PDE11A: variants seen among roughly 807,000 people sequenced by gnomAD.
The protein encoded by PDE11A is phosphodiesterase 11A, also known as dual 3',5'-cyclic-AMP and -GMP phosphodiesterase 11A.
Under a neutral mutation model 100.5 loss-of-function variants are expected in PDE11A, and 100 were observed. The observed-to-expected ratio is 1.00, with a 90% CI of 0.85 to 1.18. The LOEUF (loss-of-function observed/expected upper bound fraction) is 1.18, where lower values mean the gene tolerates loss of function less well. Among genes scored for constraint, PDE11A ranks in the 50% most tolerant of loss-of-function variants. PDE11A has a pLI of 0.00. For synonymous variants in PDE11A, 381 were observed against 420.8 expected (o/e 0.91, Z 1.16); for missense variants, 1,141 against 1,152.6 (o/e 0.99, Z 0.15).
chr2:177,850,604 C>T (rs2083683969), intron 5 of PDE11A, among the ~76,000 whole-genome samples: 2 of 152,276 alleles, frequency 1.3e-5, no homozygotes, highest in Middle Eastern at 3.4e-3. Flanking sequence ...AGGCAACCTA[C>T]AGAATGGGAG....
chr2:177,983,032 C>T (rs1008879654), intron 2 of PDE11A, among the ~76,000 whole-genome samples: 5 of 150,646 alleles, frequency 3.3e-5, no homozygotes, highest in South Asian at 2.2e-4. Flanking sequence ...CCTGAGATCG[C>T]GCCATTACAC....
At chr2:177,672,483 C>G (rs2080698131) in intron 17 of PDE11A, among the ~76,000 whole-genome samples, 3 of 152,086 alleles carry the variant, frequency 2.0e-5, no homozygotes, top group Non-Finnish European at 4.4e-5. Context: ...AAGAGAAAGA[C>G]AGAAAAAGAC....
chr2:177,697,702 GA>G (rs2081134432), intron 14 of PDE11A, among the ~76,000 whole-genome samples: 1 of 152,132 alleles, frequency 6.6e-6, no homozygotes, highest in African/African-American at 2.4e-5. Flanking sequence ...ATCTTACTAT[GA>G]ATATGTTGTG....
At chr2:177,637,920 C>T (rs13016598) in intron 19 of PDE11A, among the ~76,000 whole-genome samples, 10 of 33,526 alleles carry the variant, frequency 3.0e-4, no homozygotes, top group Non-Finnish European at 1.9e-3. Context: ...CATATATACA[C>T]ATACATATAT....
chr2:177,630,223 C>T (rs1009685102), intron 19 of PDE11A, among the ~76,000 whole-genome samples: 1 of 152,124 alleles, frequency 6.6e-6, no homozygotes, highest in African/African-American at 2.4e-5. Flanking sequence ...GGCAGATGGA[C>T]GACCAGGCTG....
At chr2:177,858,309 C>A (rs2083879758) in intron 5 of PDE11A, among the ~76,000 whole-genome samples, 1 of 151,778 alleles carries the variant, frequency 6.6e-6, no homozygotes, top group Non-Finnish European at 1.5e-5. Context: ...AGTGAACAGG[C>A]AACCTACAGA....
At chr2:178,064,653 A>T (rs937444865) in intron 1 of PDE11A, among the ~76,000 whole-genome samples, 1 of 140,200 alleles carries the variant, frequency 7.1e-6, no homozygotes, top group African/African-American at 2.6e-5. Context: ...TTATTATGTT[A>T]AAAAAAAAAA....
At chr2:177,877,241 T>C (rs1029539557) in intron 4 of PDE11A, among the ~76,000 whole-genome samples, 1 of 145,780 alleles carries the variant, frequency 6.9e-6, no homozygotes, top group Non-Finnish European at 1.5e-5. Context: ...CTCGGCTCAT[T>C]GCAGCCTCCG....
chr2:178,032,789 C>T (rs1347489305), intron 1 of PDE11A, among the ~76,000 whole-genome samples: 1 of 152,180 alleles, frequency 6.6e-6, no homozygotes, highest in Non-Finnish European at 1.5e-5. Context: ...CAAACTGCAG[C>T]AGACCTGCAG....
rs142885910 is a variant in PDE11A, at chr2:177,852,371, T to C, written c.1368-11988A>G. On this transcript the variant is annotated intron_variant, in intron 5 of 19. Transcript: ENST00000286063. ...CTATTTGGGACAGATTTCTTTTTAATGCTTTGCAAACCAAATATTGATTTT... is the reference window on the plus strand; with the variant it reads ...CTATTTGGGACAGATTTCTTTTTAACGCTTTGCAAACCAAATATTGATTTT... 9.3e-3 allele frequency among the ~76,000 whole-genome samples: 1,256 copies of C among 135,530 alleles called. 20 individuals carry two copies. The highest frequency in any genetic ancestry group is 0.029 in the African/African-American group (1,174 of 39,864). The allele number at this position is 135,530 out of a possible 152,430, so 88.9% of individuals were successfully genotyped here.
intron 1 of PDE11A, among the ~76,000 whole-genome samples, chr2:178,021,473 A>G (rs1270473263): frequency 6.6e-6 from 1 of 152,230 alleles, no homozygotes; most frequent in African/African-American, 2.4e-5. Flanking sequence ...ATTAAAAACA[A>G]TCAAGAAAGC....
chr2:177,878,263 T>C (rs985923151), intron 4 of PDE11A, among the ~76,000 whole-genome samples: 4 of 152,194 alleles, frequency 2.6e-5, no homozygotes, highest in African/African-American at 9.6e-5. Flanking sequence ...AACAATATCT[T>C]CTATCCCATA....
At chr2:178,063,394 G>A (rs765202268) in intron 1 of PDE11A, among the ~76,000 whole-genome samples, 25 of 152,146 alleles carry the variant, frequency 1.6e-4, no homozygotes, top group Non-Finnish European at 2.9e-4. Context: ...ACACAGAAAT[G>A]ACTGTCATGA....
intron 10 of PDE11A, among the ~76,000 whole-genome samples, chr2:177,743,626 T>C (rs1230569126): frequency 6.6e-6 from 1 of 152,186 alleles, no homozygotes; most frequent in African/African-American, 2.4e-5. Context: ...GGAAGTGAAT[T>C]AGCATTTTTT....
chr2:178,051,325 C>T (rs1167328775), intron 1 of PDE11A, among the ~76,000 whole-genome samples: 3 of 152,172 alleles, frequency 2.0e-5, no homozygotes, highest in East Asian at 1.9e-4. Context: ...TTGTCAACAC[C>T]AGGCCTGCCT....
At chr2:177,631,539 A>ATATATATC (rs2079935441) in intron 19 of PDE11A, among the ~76,000 whole-genome samples, 2 of 27,310 alleles carry the variant, frequency 7.3e-5, no homozygotes, top group Admixed American at 6.9e-4. Flanking sequence ...ATATATATAT[A>ATATATATC]TATATATACA....
chr2:177,927,893 T>C (rs973023819), intron 2 of PDE11A, among the ~76,000 whole-genome samples: 6 of 151,808 alleles, frequency 4.0e-5, no homozygotes, highest in African/African-American at 1.2e-4. Context: ...TCACCTGAGG[T>C]TGGGACTTCG....
intron 3 of PDE11A, among the ~76,000 whole-genome samples, chr2:177,904,411 TG>T (rs1442171497): frequency 6.6e-6 from 1 of 152,088 alleles, no homozygotes; most frequent in African/African-American, 2.4e-5. Flanking sequence ...ATCTGGGAAG[TG>T]GGGGTAAGAT....
chr2:177,837,498 G>C (rs2083424606), intron 6 of PDE11A, among the ~76,000 whole-genome samples: 1 of 150,234 alleles, frequency 6.7e-6, no homozygotes, highest in South Asian at 2.1e-4. Flanking sequence ...TTTTGAGATG[G>C]AGTCTCGCTC....
Sources: allele counts gnomAD v4.1 joint callset (sites outside exome capture counted in the v4.1 genomes callset), GRCh38; gene constraint gnomAD v4.1.1; transcripts MANE v1.5; gene names NCBI Gene and HGNC (gene_info 2026-07-23, HGNC 2026-07-21).